CSMD3: variants seen among roughly 807,000 people sequenced by gnomAD.
CSMD3 encodes the protein CUB and Sushi multiple domains 3.
CSMD3 carries 177 observed loss-of-function variants against 435.2 expected under a neutral mutation model. The observed-to-expected ratio is 0.41, with a 90% confidence interval of 0.36 to 0.46. The LOEUF (loss-of-function observed/expected upper bound fraction) is 0.46, where lower values mean the gene tolerates loss of function less well. CSMD3 is among the 20% of genes least tolerant of loss of function. The pLI, the probability that CSMD3 is intolerant of heterozygous loss-of-function variation, is 0.34. For missense variants in CSMD3, 4,265 were observed against 4,504.6 expected (o/e 0.95, Z 1.52); for synonymous variants, 1,656 against 1,520.5 (o/e 1.09, Z -2.07).
At chr8:112,430,261 C>A (rs72674784) in intron 32 of CSMD3, among the ~76,000 whole-genome samples, 2,033 of 151,578 alleles carry the variant, frequency 0.013, 24 homozygotes, top group Admixed American at 0.021. Context: ...TGAAGAGTGA[C>A]AAAAAAACAG....
At chr8:112,951,793 A>G (rs1365434115) in intron 8 of CSMD3, among the ~76,000 whole-genome samples, 1 of 151,716 alleles carries the variant, frequency 6.6e-6, no homozygotes, top group Non-Finnish European at 1.5e-5. Flanking sequence ...AAGAAAGAAA[A>G]CACAATCATT....
intron 13 of CSMD3, among the ~76,000 whole-genome samples, chr8:112,764,986 A>ATTTTTGGTGC (rs2077939433): frequency 1.3e-5 from 2 of 151,636 alleles, no homozygotes; most frequent in African/African-American, 4.8e-5. Flanking sequence ...TCATTCAAGA[A>ATTTTTGGTGC]ACAAAATATT....
rs373200529 is a variant in CSMD3, at chr8:112,224,815, C to A, written c.11080G>T (p.Val3694Leu). Residue 3694 changes from valine (V) to leucine (L), a missense_variant, in exon 71 of 71, where the codon GTA becomes TTA. Around this residue, in one of 3 missense-constraint regions of CSMD3, gnomAD observed 3,255 missense variants for 3,380.2 expected, o/e 0.96. Coordinates refer to ENST00000297405, the MANE Select transcript of CSMD3 (RefSeq NM_198123.2). ...TNAKSVEGKA[V>L]RFDPNLNTVC... ...GTGTTCAAGTTGGGATCAAATCGTA[C>A]CGCCTTCCCTTCCACTGACTTTGCG... is the stretch of plus-strand genomic sequence containing the variant. 2 of 1,614,014 alleles carry A rather than the reference C, an allele frequency of 1.2e-6. No homozygotes were observed. Among genetic ancestry groups the A allele is most frequent in the Non-Finnish European group, 1.7e-6 (2 of 1,179,906 alleles).
intron 28 of CSMD3, among the ~76,000 whole-genome samples, chr8:112,513,721 A>G (rs982221373): frequency 1.3e-5 from 2 of 152,232 alleles, no homozygotes; most frequent in African/African-American, 4.8e-5. Context: ...GGCATGCAAT[A>G]AAGTGAACTG....
chr8:112,498,685 CT>C (rs1563621405), intron 30 of CSMD3, among the ~76,000 whole-genome samples: 2 of 152,072 alleles, frequency 1.3e-5, no homozygotes, highest in African/African-American at 4.8e-5. Context: ...CTCACTTTAT[CT>C]CTACAGATTT....
intron 5 of CSMD3, among the ~76,000 whole-genome samples, chr8:113,096,307 T>C (rs2090160967): frequency 6.6e-6 from 1 of 152,140 alleles, no homozygotes; most frequent in South Asian, 2.1e-4. Flanking sequence ...TGCTCAGTTC[T>C]TCAGGTCAAA....
At chr8:113,011,740 A>T (rs1156823953) in intron 6 of CSMD3, among the ~76,000 whole-genome samples, 1 of 151,800 alleles carries the variant, frequency 6.6e-6, no homozygotes, top group Non-Finnish European at 1.5e-5. Flanking sequence ...TAAATCTTAT[A>T]CTGGCATGAC....
At chr8:113,432,191 C>T (rs1024979579) in intron 1 of CSMD3, among the ~76,000 whole-genome samples, 1 of 152,168 alleles carries the variant, frequency 6.6e-6, no homozygotes, top group African/African-American at 2.4e-5. Flanking sequence ...TGCAAAAGGA[C>T]ATTTCAGAGC....
chr8:112,336,764 A>G lies in CSMD3; in HGVS notation c.6907T>C (p.Tyr2303His), dbSNP rs1228650742. 1.2e-6 allele frequency: 2 copies of G among 1,613,404 alleles called. No homozygotes were observed. Among genetic ancestry groups the G allele is most frequent in the Admixed American group, 1.7e-5 (1 of 60,018 alleles). ...TIYSPGYPDE[Y>H]PNFQDCFWLV... is the part of the protein sequence containing the mutation. ...CAAAAACAATCTTGAAAGTTTGGATATTCATCAGGATACCCAGGAGAATAA... is the reference window on the plus strand; with the variant it reads ...CAAAAACAATCTTGAAAGTTTGGATGTTCATCAGGATACCCAGGAGAATAA... The change falls in exon 44 of 71, where the codon TAT (tyrosine) becomes CAT (histidine). Residue 2303 changes from tyrosine to histidine, a missense_variant. Around this residue, in one of 3 missense-constraint regions of CSMD3, gnomAD observed 3,255 missense variants for 3,380.2 expected, o/e 0.96. Transcript: ENST00000297405.
intron 3 of CSMD3, among the ~76,000 whole-genome samples, chr8:113,226,183 TAC>T (rs2093026441): frequency 6.6e-6 from 1 of 151,546 alleles, no homozygotes. Context: ...AATGGACTAA[TAC>T]AGTGTTATAA....
At chr8:112,623,691 T>C (rs905590205) in intron 22 of CSMD3, among the ~76,000 whole-genome samples, 3 of 148,644 alleles carry the variant, frequency 2.0e-5, no homozygotes, top group Admixed American at 6.7e-5. Context: ...TTTTTATCTT[T>C]GCTACTCAAC....
intron 23 of CSMD3, among the ~76,000 whole-genome samples, chr8:112,578,522 A>C (rs1830112707): frequency 6.6e-6 from 1 of 151,898 alleles, no homozygotes; most frequent in Admixed American, 6.6e-5. Flanking sequence ...TCCAATGAAC[A>C]GCAAGCAGAA....
chr8:113,400,036 CAG>C (rs1339044581), intron 1 of CSMD3, among the ~76,000 whole-genome samples: 2 of 151,584 alleles, frequency 1.3e-5, no homozygotes, highest in Admixed American at 1.3e-4. Context: ...GCAATGGTGA[CAG>C]AGTCTTAGCT....
intron 1 of CSMD3, among the ~76,000 whole-genome samples, chr8:113,335,196 T>C (rs1346204183): frequency 6.6e-6 from 1 of 152,104 alleles, no homozygotes; most frequent in Non-Finnish European, 1.5e-5. Flanking sequence ...TGATTTTAAG[T>C]TTCCTGAGGC....
chr8:112,790,150 T>C (rs1353809356), intron 13 of CSMD3, among the ~76,000 whole-genome samples: 7 of 151,968 alleles, frequency 4.6e-5, no homozygotes, highest in African/African-American at 1.7e-4. Context: ...GGATCTCTGT[T>C]TATATGTGCT....
chr8:112,946,928 A>AT (rs1230351300), intron 9 of CSMD3, among the ~76,000 whole-genome samples: 1 of 151,600 alleles, frequency 6.6e-6, no homozygotes, highest in African/African-American at 2.4e-5. Context: ...TCTAAGAACT[A>AT]TTTTTTTCTT....
intron 38 of CSMD3, among the ~76,000 whole-genome samples, chr8:112,352,990 A>G (rs555642837): frequency 2.0e-5 from 3 of 152,262 alleles, no homozygotes; most frequent in African/African-American, 7.2e-5. Context: ...TTTATTCTGA[A>G]TCGGCTTTTA....
chr8:112,529,416 C>T (rs949187570), intron 27 of CSMD3, among the ~76,000 whole-genome samples: 1 of 152,108 alleles, frequency 6.6e-6, no homozygotes, highest in African/African-American at 2.4e-5. Flanking sequence ...GGCAAAACCA[C>T]AACCCTACAA....
chr8:113,313,748 T>G (rs915907449), intron 2 of CSMD3: 1 of 152,190 alleles, frequency 6.6e-6, no homozygotes. Flanking sequence ...CTTAGACTAT[T>G]TTAAATTACA....
Sources: allele counts gnomAD v4.1 joint callset (sites outside exome capture counted in the v4.1 genomes callset), GRCh38; gene constraint gnomAD v4.1.1; regional missense constraint gnomAD v4.1.1; transcripts MANE v1.5; gene names NCBI Gene and HGNC (gene_info 2026-07-23, HGNC 2026-07-21).